The following PCDHGA2 variants were observed in gnomAD, a reference collection of about 807,000 sequenced individuals.
The protein encoded by PCDHGA2 is protocadherin gamma-A2.
In PCDHGA2, 40 loss-of-function variants were observed where a neutral mutation model predicts 59.2. The observed-to-expected ratio is 0.68, with a 90% CI of 0.52 to 0.88. The LOEUF (loss-of-function observed/expected upper bound fraction) is 0.88, where lower values mean the gene tolerates loss of function less well. Ranked by LOEUF, PCDHGA2 falls within the 40% of genes least tolerant of loss-of-function variation. PCDHGA2 has a pLI of 0.00. For synonymous variants in PCDHGA2, 560 were observed against 526.0 expected, an observed-to-expected ratio of 1.06 and a Z score of -0.89; for missense variants, 1,226 against 1,204.0, an observed-to-expected ratio of 1.02 and a Z score of -0.27.
In PCDHGA2 at chr5:141,490,761, G is replaced by GTA. The variant is rs1380770489; in HGVS notation, c.2425-4044_2425-4043dup. The GTA allele has an allele frequency of 6.2e-7, 1 of 1,614,048 alleles. No individual in the cohort carries two copies. The highest frequency in any genetic ancestry group is 1.3e-5 in the African/African-American group (1 of 74,920). On this transcript the variant is annotated intron_variant, in intron 1 of 3. Coordinates refer to ENST00000394576, the MANE Select transcript of PCDHGA2 (RefSeq NM_018915.4). The surrounding 1 kb of genome is among the most constrained non-coding windows in gnomAD (Gnocchi z 5.4). ...AGGGAGCCCCAGCCTCCTCCTTTGT[G>GTA]TATGTCAACCCAGAGGATGGACGGA...
Position 141,432,548 on chromosome 5 carries a change from G to T in PCDHGA2, c.2425-62259G>T, listed in dbSNP as rs1251651638. On this transcript the variant is annotated intron_variant, in intron 1 of 3. Coordinates refer to ENST00000394576, the MANE Select transcript of PCDHGA2 (RefSeq NM_018915.4). The surrounding 1 kb of genome is among the most constrained non-coding windows in gnomAD (Gnocchi z 6.0). ...GACCAAGGTGGTGGCGGTGGACAGA[G>T]ACTCCGGCCAGAACGCCTGGCTGTC... 1.9e-6 allele frequency: 3 copies of T among 1,613,998 alleles called. No homozygotes were observed. The South Asian group carries it at 3.3e-5, about 18-fold the overall frequency.
intron 3 of PCDHGA2, among the ~76,000 whole-genome samples, chr5:141,510,468 A>G (rs1246106107): frequency 2.0e-5 from 3 of 152,152 alleles, no homozygotes; most frequent in Admixed American, 2.0e-4. Flanking sequence ...TGTGGGAGTC[A>G]GAGGCTCCCT....
chr5:141,372,703 T>C (rs1379730424), intron 1 of PCDHGA2: 1 of 1,614,012 alleles, frequency 6.2e-7, no homozygotes, highest in Non-Finnish European at 8.5e-7. Context: ...TTTCTCAATA[T>C]AAAGGCTGAA....
In PCDHGA2 at chr5:141,417,713, C is replaced by T. The variant is rs905298887; in HGVS notation, c.2424+76318C>T. 1.3e-4 allele frequency: 160 copies of T among 1,271,624 alleles called. No homozygotes were observed. In the Admixed American group the frequency reaches 4.6e-3, roughly 37 times the overall value. The allele number at this position is 1,271,624 out of a possible 1,614,324, so 78.8% of individuals were successfully genotyped here. On this transcript the variant is annotated intron_variant, in intron 1 of 3. Transcript: ENST00000394576. ...AAACCAGCTCCCACACAGAGGCTCC[C>T]GGCTGCGCAGACCTTGCCCAGCACA... is the stretch of plus-strand genomic sequence containing the variant.
intron 1 of PCDHGA2, among the ~76,000 whole-genome samples, chr5:141,467,297 CT>C (rs1229166213): frequency 2.0e-5 from 3 of 152,182 alleles, no homozygotes; most frequent in African/African-American, 7.2e-5. Context: ...AAGTGATCCA[CT>C]CACCTCGGCC....
chr5:141,381,890 T>C (rs1471901059), intron 1 of PCDHGA2, among the ~76,000 whole-genome samples: 1 of 139,844 alleles, frequency 7.2e-6, no homozygotes, highest in African/African-American at 2.7e-5. Context: ...AGTGCAATGG[T>C]GTGATCTCGG....
At position 141,486,266 on chromosome 5, in the gene PCDHGA2, C is replaced by A; in HGVS notation, c.2425-8541C>A. On this transcript the variant is annotated intron_variant, in intron 1 of 3. Coordinates refer to ENST00000394576, the MANE Select transcript of PCDHGA2 (RefSeq NM_018915.4). The surrounding 1 kb of genome is among the most constrained non-coding windows in gnomAD (Gnocchi z 5.0). ...TGGAACCCTCCCCGAGAGTGCAGAA[C>A]CTGGCACTGTGGTGGCACTTATCAG... The A allele has an allele frequency of 1.9e-6, 3 of 1,614,098 alleles. No homozygotes were observed. Among genetic ancestry groups the A allele is most frequent in the Admixed American group, 3.3e-5 (2 of 60,016 alleles).
intron 1 of PCDHGA2, chr5:141,420,098 A>G: frequency 6.2e-7 from 1 of 1,614,034 alleles, no homozygotes; most frequent in African/African-American, 1.3e-5. Flanking sequence ...CAGTGAGGGA[A>G]CGTTGCCCTA....
intron 1 of PCDHGA2, chr5:141,408,288 T>C (rs755091342): frequency 6.2e-7 from 1 of 1,613,234 alleles, no homozygotes; most frequent in Non-Finnish European, 8.5e-7. Context: ...TACCCCACCC[T>C]GAGTGAGCCG....
Position 141,432,289 on chromosome 5 carries a change from C to T in PCDHGA2, c.2425-62518C>T, listed in dbSNP as rs762278053. ...CGTCCTACGTGTCCATCAACTCCGACACTGGGGTACTGTATGCGCTGAGCT... is the reference window on the plus strand; with the variant it reads ...CGTCCTACGTGTCCATCAACTCCGATACTGGGGTACTGTATGCGCTGAGCT... On this transcript the variant is annotated intron_variant, in intron 1 of 3. Coordinates refer to ENST00000394576, the MANE Select transcript of PCDHGA2 (RefSeq NM_018915.4). The surrounding 1 kb of genome is among the most constrained non-coding windows in gnomAD (Gnocchi z 6.0). The T allele has an allele frequency of 6.2e-7, 1 of 1,614,266 alleles. No homozygotes were observed. Among genetic ancestry groups the T allele is most frequent in the Admixed American group, 1.7e-5 (1 of 60,038 alleles).
In PCDHGA2 at chr5:141,480,546, G is replaced by A. The variant is rs184388425; in HGVS notation, c.2425-14261G>A. Reference sequence around the variant, plus strand: ...GACAAAGTAGAAGCACATATGAAAAGGCTAAGAAAGCATGAAAGCCAGCAA... The same window carrying A: ...GACAAAGTAGAAGCACATATGAAAAAGCTAAGAAAGCATGAAAGCCAGCAA... On this transcript the variant is annotated intron_variant, in intron 1 of 3. Coordinates refer to ENST00000394576, the MANE Select transcript of PCDHGA2 (RefSeq NM_018915.4). 4.9e-4 allele frequency among the ~76,000 whole-genome samples: 63 copies of A among 128,620 alleles called. 1 individual carries two copies. Among genetic ancestry groups the A allele is most frequent in the Middle Eastern group, 4.2e-3 (1 of 236 alleles). The allele number at this position is 128,620 out of a possible 152,430, so 84.4% of individuals were successfully genotyped here. A position where few individuals can be genotyped will look rare whatever the true frequency, so the allele number is the denominator to read the frequency against.
chr5:141,510,821 C>G, intron 3 of PCDHGA2, 126 bp from the exon 4 acceptor site: 2 of 1,559,324 alleles, frequency 1.3e-6, no homozygotes, highest in Non-Finnish European at 1.7e-6. Context: ...CCCCTATATT[C>G]CCAGTGCTCA....
intron 1 of PCDHGA2, chr5:141,357,599 C>T (rs1279511012): frequency 6.2e-7 from 1 of 1,613,924 alleles, no homozygotes; most frequent in African/African-American, 1.3e-5. Flanking sequence ...TTACTTGAAA[C>T]AAAAGGAGAC....
At position 141,481,880 on chromosome 5, in the gene PCDHGA2, C is replaced by T. The variant is rs555652518; in HGVS notation, c.2425-12927C>T. Among the ~76,000 whole-genome samples, 5 of 145,406 alleles carry T rather than the reference C, an allele frequency of 3.4e-5. No individual in the cohort carries two copies. The East Asian group carries it at 1.0e-3, about 29-fold the overall frequency. On this transcript the variant is annotated intron_variant, in intron 1 of 3. Transcript: ENST00000394576. ...AGTGAGCCGAGATCGCGCCACTGCA[C>T]TCCAGCCTGGGTGAAAGAGCGAAAC...
intron 1 of PCDHGA2, chr5:141,418,768 T>C (rs1216316680): frequency 6.2e-7 from 1 of 1,613,712 alleles, no homozygotes; most frequent in Non-Finnish European, 8.5e-7. Context: ...ACATTCTAAC[T>C]CAGCAGCCTT....
intron 1 of PCDHGA2, chr5:141,413,618 A>C (rs1188549125): frequency 6.2e-7 from 1 of 1,613,916 alleles, no homozygotes; most frequent in Admixed American, 1.7e-5. Context: ...AAAATTAATG[A>C]AAATGTCGCT....
chr5:141,427,994 C>T, intron 1 of PCDHGA2: 1 of 1,599,396 alleles, frequency 6.3e-7, no homozygotes, highest in Non-Finnish European at 8.6e-7. Flanking sequence ...CCGATGGCTC[C>T]GCACTCTTCG....
At chr5:141,350,346 A>G in intron 1 of PCDHGA2, 1 of 1,557,504 alleles carries the variant, frequency 6.4e-7, no homozygotes, top group Non-Finnish European at 8.7e-7. Context: ...GCCATCTCCC[A>G]GCAGATCCGA....
At chr5:141,395,138 C>G (rs147992300) in intron 1 of PCDHGA2, 3 of 1,614,204 alleles carry the variant, frequency 1.9e-6, no homozygotes, top group Non-Finnish European at 2.5e-6. Context: ...AGCCCAACTA[C>G]GCAGACATGC....
Sources: allele counts gnomAD v4.1 joint callset (sites outside exome capture counted in the v4.1 genomes callset), GRCh38; gene constraint gnomAD v4.1.1; non-coding constraint Gnocchi (gnomAD v3.1); transcripts MANE v1.5; gene names NCBI Gene and HGNC (gene_info 2026-07-23, HGNC 2026-07-21).